Variants in MAP7D2 observed in about 807,000 individuals in gnomAD.
The protein encoded by MAP7D2 is MAP7 domain containing 2.
In MAP7D2, 33 loss-of-function variants were observed where a neutral mutation model predicts 63.5. The observed-to-expected ratio is 0.52, with a 90% CI of 0.39 to 0.70. The LOEUF (loss-of-function observed/expected upper bound fraction) is 0.70, where lower values mean the gene tolerates loss of function less well. Among genes scored for constraint, MAP7D2 ranks in the 30% least tolerant of loss-of-function variants. The probability of loss-of-function intolerance (pLI) is 0.00; values close to 1 mark genes in which losing one functional copy is unlikely to be tolerated. For missense variants in MAP7D2, 626 were observed against 604.0 expected, an observed-to-expected ratio of 1.04 and a Z score of -0.38; for synonymous variants, 224 against 223.7, an observed-to-expected ratio of 1.00 and a Z score of -0.01.
chrX:20,080,896 T>C (rs1315382409), intron 1 of MAP7D2, among the ~76,000 whole-genome samples: 1 of 112,107 alleles, frequency 8.9e-6, no homozygotes, highest in Non-Finnish European at 1.9e-5. Flanking sequence ...AGCCAGTATT[T>C]TCCTGTAATG....
rs2065764347 is a variant in MAP7D2 at position 20,081,021 on chromosome X, A to C, written c.131-16216T>G. Among the ~76,000 whole-genome samples, 3 of 111,898 alleles carry C rather than the reference A, an allele frequency of 2.7e-5. No individual in the cohort carries two copies. In the Admixed American group the frequency reaches 2.9e-4, roughly 11 times the overall value. On this transcript the variant is annotated intron_variant, in intron 1 of 16. Transcript: ENST00000379643. The stretch of plus-strand genomic sequence containing the variant: ...CACCAATCCAAGACAAGACTCAGAA[A>C]GGCTTTGAGCTTCTGGAAAGAGGGC...
intron 1 of MAP7D2, 106 bp downstream of exon 1, chrX:20,116,644 G>C: frequency 2.9e-6 from 3 of 1,031,545 alleles, no homozygotes; most frequent in Non-Finnish European, 2.5e-6. Context: ...GCTCTGCGCC[G>C]TGCCCCTTCC....
intron 6 of MAP7D2, among the ~76,000 whole-genome samples, chrX:20,049,121 T>G (rs904542954): frequency 9.1e-6 from 1 of 110,311 alleles, no homozygotes; most frequent in Non-Finnish European, 1.9e-5. Context: ...CTCCAGTCTC[T>G]GATAACCACC....
intron 1 of MAP7D2, among the ~76,000 whole-genome samples, chrX:20,094,496 A>ATATATATATATATATG (rs2066161187): frequency 5.6e-5 from 1 of 17,896 alleles, no homozygotes; most frequent in African/African-American, 2.2e-4. Flanking sequence ...ACATATATAT[A>ATATATATATATATATG]TATATATATA....
Position 20,007,582 on chromosome X carries a change from A to G in MAP7D2, c.*843T>C, listed in dbSNP as rs2073047184. The G allele has an allele frequency of 9.0e-6, 1 of 111,519 alleles. No individual in the cohort carries two copies. The highest frequency in any genetic ancestry group is 9.6e-5 in the Admixed American group (1 of 10,385). The allele number at this position is 111,519 out of a possible 1,213,427, so 9.2% of individuals were successfully genotyped here. On this transcript the variant is annotated 3_prime_UTR_variant, in exon 17 of 17. Coordinates refer to ENST00000379643, the MANE Select transcript of MAP7D2 (RefSeq NM_001168465.2). ...AAACAAAGAAAACTCCCAAGATCCA[A>G]TAGAAAAAAAATTAGCAAGAACATT...
At chrX:20,083,508 G>A (rs1934629225) in intron 1 of MAP7D2, among the ~76,000 whole-genome samples, 1 of 112,223 alleles carries the variant, frequency 8.9e-6, no homozygotes, top group Non-Finnish European at 1.9e-5. Flanking sequence ...CAAATCCTGT[G>A]TGTTGCCATT....
chrX:20,036,121 T>C (rs1195401698), intron 8 of MAP7D2, among the ~76,000 whole-genome samples: 2 of 110,766 alleles, frequency 1.8e-5, no homozygotes, highest in African/African-American at 6.6e-5. Flanking sequence ...ACAACAGATA[T>C]TGGGGCCTAC....
chrX:20,109,748 A>T (rs773728699), intron 1 of MAP7D2, among the ~76,000 whole-genome samples: 2 of 111,546 alleles, frequency 1.8e-5, no homozygotes, highest in East Asian at 5.6e-4. Flanking sequence ...CCACAGACTA[A>T]AAATATTCAG....
At position 20,025,226 on chromosome X, in the gene MAP7D2, C is replaced by T. The variant is rs998458443; in HGVS notation, c.1280-143G>A. 6.7e-4 allele frequency: 454 copies of T among 680,522 alleles called. 2 individuals are homozygous for T. Among genetic ancestry groups the T allele is most frequent in the Middle Eastern group, 5.1e-4 (1 of 1,962 alleles). 56.1% of individuals were successfully genotyped at this position (680,522 alleles called of 1,213,427 possible). Reference sequence around the variant, plus strand: ...GAAATGCCGTCCAGACTAGCACAATCGACCACCAAGCAAGAGAAGCTGTCA... The same window carrying T: ...GAAATGCCGTCCAGACTAGCACAATTGACCACCAAGCAAGAGAAGCTGTCA... On this transcript the variant is annotated intron_variant, in intron 9 of 16. Transcript: ENST00000379643.
chrX:20,023,788 C>T (rs988634520), intron 10 of MAP7D2, among the ~76,000 whole-genome samples: 31 of 111,198 alleles, frequency 2.8e-4, no homozygotes, highest in African/African-American at 9.5e-4. Context: ...TTGTGACCTC[C>T]CTTCACACAC....
intron 1 of MAP7D2, among the ~76,000 whole-genome samples, chrX:20,094,506 ATATATATATG>A (rs1251773383): frequency 0.01 from 190 of 18,468 alleles, 3 homozygotes; most frequent in African/African-American, 0.048. Flanking sequence ...ATATATATAT[ATATATATATG>A]TATATATATA....
intron 3 of MAP7D2, among the ~76,000 whole-genome samples, chrX:20,060,488 A>G (rs549734473): frequency 6.1e-5 from 6 of 97,774 alleles, no homozygotes; most frequent in Admixed American, 1.1e-4. Context: ...GAAAGAAAGA[A>G]AGAGAAAGAG....
chrX:20,108,730 A>C (rs2066643164), intron 1 of MAP7D2, among the ~76,000 whole-genome samples: 2 of 110,390 alleles, frequency 1.8e-5, no homozygotes, highest in Admixed American at 9.7e-5. Context: ...CAAAAAAAAA[A>C]AAACAAAAAA....
chrX:20,102,566 G>C (rs913436203), intron 1 of MAP7D2, among the ~76,000 whole-genome samples: 2 of 111,085 alleles, frequency 1.8e-5, no homozygotes, highest in Non-Finnish European at 3.8e-5. Flanking sequence ...AGAAGTGCTA[G>C]GCAAGTGTCA....
In MAP7D2 at chrX:20,112,825, T is replaced by C. The variant is rs772002769; in HGVS notation, c.130+3925A>G. ...CTCTCAACAAGACCCACCAGGATAT[T>C]TACCAACAGCCCCCAGAAATCTCCA... On this transcript the variant is annotated intron_variant, in intron 1 of 16. Transcript: ENST00000379643. Among the ~76,000 whole-genome samples, 39 of 111,654 alleles carry C rather than the reference T, an allele frequency of 3.5e-4. No individual in the cohort carries two copies. The South Asian group carries it at 0.015, about 42-fold the overall frequency.
At chrX:20,082,623 G>A (rs1160160669) in intron 1 of MAP7D2, among the ~76,000 whole-genome samples, 1 of 111,799 alleles carries the variant, frequency 8.9e-6, no homozygotes, top group African/African-American at 3.2e-5. Context: ...GGCACAAATA[G>A]ATTATTATTT....
intron 4 of MAP7D2, chrX:20,055,965 T>G (rs1219456202): frequency 7.0e-5 from 20 of 284,654 alleles, no homozygotes; most frequent in Non-Finnish European, 1.2e-4. Context: ...AAAGAAAAAA[T>G]AAAGTATATT....
chrX:20,084,442 T>G (rs190792809), intron 1 of MAP7D2, among the ~76,000 whole-genome samples: 1 of 111,489 alleles, frequency 9.0e-6, no homozygotes, highest in African/African-American at 3.3e-5. Flanking sequence ...AAATAATTCT[T>G]CAATCGCAGA....
intron 8 of MAP7D2, among the ~76,000 whole-genome samples, chrX:20,027,757 GGAGAGA>G (rs56796954): frequency 0.23 from 17,573 of 76,098 alleles, 2,427 homozygotes; most frequent in African/African-American, 0.4. Flanking sequence ...GAAGGCGGGG[GGAGAGA>G]GAGAGAGAGA....
Sources: gnomAD v4.1 joint callset for allele counts (sites outside exome capture counted in the v4.1 genomes callset) on GRCh38, gnomAD v4.1.1 for gene constraint, MANE v1.5 for transcripts, NCBI Gene and HGNC (gene_info 2026-07-23, HGNC 2026-07-21) for gene names.